The following ABCC4 variants were observed in gnomAD, a reference collection of about 807,000 sequenced individuals.
The protein encoded by ABCC4 is ATP-binding cassette sub-family C member 4.
ABCC4 carries 102 observed loss-of-function variants against 168.5 expected under a neutral mutation model. That is an observed-to-expected ratio of 0.61 (90% CI 0.52 to 0.71). The LOEUF is 0.71. ABCC4 is among the 30% of genes least tolerant of loss of function. The pLI is 0.00. For synonymous variants in ABCC4, 617 were observed against 590.7 expected (o/e 1.04, Z -0.65); for missense variants, 1,402 against 1,605.8 (o/e 0.87, Z 2.17).
intron 13 of ABCC4, among the ~76,000 whole-genome samples, chr13:95,174,223 T>C (rs2139584231): frequency 6.6e-6 from 1 of 152,336 alleles, no homozygotes; most frequent in East Asian, 1.9e-4. Flanking sequence ...CCACTTAGTG[T>C]TTGCAACATA....
chr13:95,239,392 T>C (rs562544833), intron 3 of ABCC4, among the ~76,000 whole-genome samples: 2 of 152,318 alleles, frequency 1.3e-5, no homozygotes, highest in South Asian at 4.1e-4. Context: ...CATAAATTCA[T>C]GATATGTTTA....
chr13:95,151,777 C>T (rs1214614503), intron 19 of ABCC4, among the ~76,000 whole-genome samples: 5 of 152,090 alleles, frequency 3.3e-5, no homozygotes, highest in Non-Finnish European at 2.9e-5. Flanking sequence ...CCAAGAAATG[C>T]TTGATGAATG....
Position 95,164,419 on chromosome 13 carries a change from T to C in ABCC4, c.2134A>G (p.Ile712Val). Reference protein sequence around the residue: ...KNYFRAGAHWIVFIFLILLNT... With the variant: ...KNYFRAGAHWVVFIFLILLNT... ...AGGAGAATAAGGAAAATGAAGACAA[T>C]CCAGTGAGCACCAGCTCTGAAGTAA... The change falls in exon 16 of 31, where the codon ATT becomes GTT. Residue 712 changes from isoleucine to valine, a missense_variant. By Grantham distance (29) the Ile-to-Val change is conservative. Transcript: ENST00000645237. 1 of 1,614,106 alleles carries C rather than the reference T, an allele frequency of 6.2e-7. No individual in the cohort carries two copies. Among genetic ancestry groups the C allele is most frequent in the Non-Finnish European group, 8.5e-7 (1 of 1,180,002 alleles).
chr13:95,218,569 A>T (rs2039188005), intron 4 of ABCC4, among the ~76,000 whole-genome samples: 1 of 152,152 alleles, frequency 6.6e-6, no homozygotes, highest in South Asian at 2.1e-4. Flanking sequence ...AGTTCTCCGT[A>T]GGCCAGGTAG....
At chr13:95,186,933 C>T (rs1262402300) in intron 10 of ABCC4, 41 bp from the exon 11 acceptor site, 3 of 1,546,298 alleles carry the variant, frequency 1.9e-6, no homozygotes, top group African/African-American at 1.4e-5. Flanking sequence ...AGTCAACACT[C>T]GAGACAAGAA....
At chr13:95,077,937 G>T (rs1016471762) in intron 21 of ABCC4, among the ~76,000 whole-genome samples, 3 of 152,092 alleles carry the variant, frequency 2.0e-5, no homozygotes, top group African/African-American at 2.4e-5. Flanking sequence ...GGAGGAGGCC[G>T]CCAGGTATGA....
intron 19 of ABCC4, among the ~76,000 whole-genome samples, chr13:95,145,373 T>C (rs2036456767): frequency 6.6e-6 from 1 of 151,756 alleles, no homozygotes; most frequent in Non-Finnish European, 1.5e-5. Context: ...TCACAACACT[T>C]TGGGAGGCTG....
chr13:95,144,967 T>C (rs2036442993), intron 19 of ABCC4, among the ~76,000 whole-genome samples: 1 of 151,472 alleles, frequency 6.6e-6, no homozygotes, highest in Admixed American at 6.6e-5. Flanking sequence ...GGAACTTAAG[T>C]TTACAAGCAA....
intron 1 of ABCC4, among the ~76,000 whole-genome samples, chr13:95,260,691 G>T (rs886497391): frequency 1.3e-5 from 2 of 152,136 alleles, no homozygotes; most frequent in Admixed American, 1.3e-4. Context: ...CATGGGGTCT[G>T]GGGTGATAAT....
intron 1 of ABCC4, among the ~76,000 whole-genome samples, chr13:95,258,859 G>A (rs2389228): frequency 0.93 from 140,925 of 152,288 alleles, 65,422 homozygotes; most frequent in East Asian, 1. Flanking sequence ...TGAAAGAATA[G>A]TGCATTGTAA....
At chr13:95,156,396 G>A (rs2036855411) in intron 19 of ABCC4, among the ~76,000 whole-genome samples, 1 of 152,212 alleles carries the variant, frequency 6.6e-6, no homozygotes, top group South Asian at 2.1e-4. Context: ...TGCAGATCAT[G>A]CTGCCCTCTT....
intron 25 of ABCC4, among the ~76,000 whole-genome samples, chr13:95,064,254 GTGTGTGTATA>G (rs1364029138): frequency 3.8e-3 from 90 of 23,680 alleles, no homozygotes; most frequent in African/African-American, 9.8e-3. Flanking sequence ...GGGTGTGTGT[GTGTGTGTATA>G]TATATATATA....
At chr13:95,051,271 G>A (rs544319828) in intron 27 of ABCC4, among the ~76,000 whole-genome samples, 165 of 152,360 alleles carry the variant, frequency 1.1e-3, no homozygotes, top group African/African-American at 3.7e-3. Context: ...AAACTGTCAG[G>A]CCTCCAAGTC....
At chr13:95,147,627 G>A (rs1318553811) in intron 19 of ABCC4, among the ~76,000 whole-genome samples, 1 of 152,078 alleles carries the variant, frequency 6.6e-6, no homozygotes, top group East Asian at 1.9e-4. Flanking sequence ...TTTGAAAAAG[G>A]TGAATACATA....
intron 1 of ABCC4, among the ~76,000 whole-genome samples, chr13:95,285,695 G>A (rs2041239746): frequency 6.6e-6 from 1 of 152,146 alleles, no homozygotes; most frequent in Non-Finnish European, 1.5e-5. Flanking sequence ...AAGGGAACAG[G>A]ACAGCAAATA....
At chr13:95,293,427 C>G (rs1594456423) in intron 1 of ABCC4, among the ~76,000 whole-genome samples, 2 of 152,012 alleles carry the variant, frequency 1.3e-5, no homozygotes, top group South Asian at 4.2e-4. Flanking sequence ...ACACCCAACA[C>G]GGGTTCAGGA....
chr13:95,124,752 G>C (rs2035696420), intron 19 of ABCC4, among the ~76,000 whole-genome samples: 1 of 140,246 alleles, frequency 7.1e-6, no homozygotes. Context: ...ATGGTGGTGT[G>C]TGCCTGTAGT....
At chr13:95,025,215 A>ATACACC (rs2031375393) in intron 30 of ABCC4, among the ~76,000 whole-genome samples, 1 of 22,102 alleles carries the variant, frequency 4.5e-5, no homozygotes, top group Non-Finnish European at 8.0e-5. Flanking sequence ...CACACCCCCC[A>ATACACC]CACACCCCCA....
intron 20 of ABCC4, 152 bp downstream of exon 20, chr13:95,115,770 C>T (rs567620647): frequency 1.5e-6 from 1 of 658,622 alleles, no homozygotes; most frequent in African/African-American, 1.8e-5. Flanking sequence ...TGAGTTATAA[C>T]CGCACCTTTC....
Sources: allele counts gnomAD v4.1 joint callset (sites outside exome capture counted in the v4.1 genomes callset), GRCh38; gene constraint gnomAD v4.1.1; transcripts MANE v1.5; gene names NCBI Gene and HGNC (gene_info 2026-07-23, HGNC 2026-07-21).